Variants in ATOSA observed in about 807,000 individuals in gnomAD.
The protein encoded by ATOSA is atos homolog A.
the ATOSA span, chr15:52,658,403 C>A: frequency 5.0e-6 from 1 of 201,886 alleles, no homozygotes; most frequent in Non-Finnish European, 9.8e-6. Flanking sequence ...CTGTCAAGAG[C>A]TCTCCGTTTT....
At chr15:52,705,893 T>C in the ATOSA span, among the ~76,000 whole-genome samples, 2 of 152,232 alleles carry the variant, frequency 1.3e-5, no homozygotes, top group African/African-American at 2.4e-5. Flanking sequence ...ATTTATGATT[T>C]ATAAGATCAG....
At chr15:52,707,483 A>G in the ATOSA span, among the ~76,000 whole-genome samples, 21 of 152,340 alleles carry the variant, frequency 1.4e-4, 1 homozygote, top group South Asian at 3.1e-3. Flanking sequence ...ACATTCTTCA[A>G]AAATGTCATT....
At chr15:52,693,112 G>A in the ATOSA span, among the ~76,000 whole-genome samples, 3 of 152,074 alleles carry the variant, frequency 2.0e-5, no homozygotes, top group East Asian at 1.9e-4. Flanking sequence ...ACATACAAAC[G>A]GAAAGATTGA....
chr15:52,606,234 A>G, the ATOSA span, among the ~76,000 whole-genome samples: 1 of 152,136 alleles, frequency 6.6e-6, no homozygotes, highest in Non-Finnish European at 1.5e-5. Context: ...AATATAAGAA[A>G]CACTGTAAAT....
chr15:52,605,209 T>A, the ATOSA span: 2 of 1,611,256 alleles, frequency 1.2e-6, no homozygotes, highest in South Asian at 2.2e-5. Flanking sequence ...ATGAAAATTA[T>A]GTTTTCGCCA....
chr15:52,605,626 C>T, the ATOSA span, among the ~76,000 whole-genome samples: 2 of 152,092 alleles, frequency 1.3e-5, no homozygotes, highest in Non-Finnish European at 2.9e-5. Flanking sequence ...TATGTTTACA[C>T]ACAATATATA....
the ATOSA span, among the ~76,000 whole-genome samples, chr15:52,663,069 C>T: frequency 1.3e-5 from 2 of 152,190 alleles, no homozygotes; most frequent in Non-Finnish European, 2.9e-5. Context: ...ACTCTAATCT[C>T]TCCCTATTCC....
the ATOSA span, among the ~76,000 whole-genome samples, chr15:52,623,520 C>T: frequency 6.6e-6 from 1 of 152,012 alleles, no homozygotes; most frequent in Non-Finnish European, 1.5e-5. Context: ...CCCTGGGGGA[C>T]TCCAACAATT....
At chr15:52,609,072 C>T in the ATOSA span, 1 of 1,613,360 alleles carries the variant, frequency 6.2e-7, no homozygotes, top group Non-Finnish European at 8.5e-7. Context: ...TGTGCTGAGA[C>T]AAAATTGAGG....
the ATOSA span, among the ~76,000 whole-genome samples, chr15:52,596,844 T>C: frequency 5.3e-5 from 8 of 152,186 alleles, no homozygotes; most frequent in Admixed American, 4.6e-4. Context: ...AAACTTAAAA[T>C]CTTTTACTCT....
the ATOSA span, among the ~76,000 whole-genome samples, chr15:52,626,671 T>C: frequency 1.1e-4 from 16 of 152,106 alleles, no homozygotes; most frequent in African/African-American, 3.9e-4. Flanking sequence ...AGCAACATAA[T>C]GGTAAAGGGG....
the ATOSA span, among the ~76,000 whole-genome samples, chr15:52,695,667 G>A: frequency 6.6e-6 from 1 of 152,158 alleles, no homozygotes; most frequent in African/African-American, 2.4e-5. Flanking sequence ...ATGAATAAAT[G>A]GTATGAGATA....
At chr15:52,635,889 G>C in the ATOSA span, among the ~76,000 whole-genome samples, 5 of 151,616 alleles carry the variant, frequency 3.3e-5, no homozygotes, top group Non-Finnish European at 7.4e-5. Flanking sequence ...CCAGCTACTT[G>C]GGAGGCTGAG....
At chr15:52,606,937 G>A in the ATOSA span, among the ~76,000 whole-genome samples, 22 of 152,232 alleles carry the variant, frequency 1.4e-4, no homozygotes, top group East Asian at 4.0e-3. Context: ...AAAAGTAAAG[G>A]AAAGTGAAGC....
At chr15:52,653,677 C>T in the ATOSA span, among the ~76,000 whole-genome samples, 14 of 152,202 alleles carry the variant, frequency 9.2e-5, no homozygotes, top group Non-Finnish European at 1.3e-4. Context: ...ATCTGTACAA[C>T]TTCCTAATCC....
At chr15:52,586,414 C>G in the ATOSA span, 2 of 152,294 alleles carry the variant, frequency 1.3e-5, no homozygotes, top group African/African-American at 4.8e-5. Context: ...AAAGGTCATA[C>G]AAAGGCTTGT....
the ATOSA span, chr15:52,584,830 C>G: frequency 6.2e-7 from 1 of 1,613,466 alleles, no homozygotes; most frequent in African/African-American, 1.3e-5. Flanking sequence ...TCTTGTTTAA[C>G]AGGTACAGAA....
chr15:52,623,299 A>C, the ATOSA span, among the ~76,000 whole-genome samples: 1 of 152,158 alleles, frequency 6.6e-6, no homozygotes, highest in Admixed American at 6.5e-5. Flanking sequence ...TACATTTTAA[A>C]ATGTACATTT....
the ATOSA span, chr15:52,586,161 T>C: frequency 6.6e-6 from 1 of 152,346 alleles, no homozygotes; most frequent in Non-Finnish European, 1.5e-5. Flanking sequence ...AAGAGAACAC[T>C]GTCACTCCTT....
Sources: gnomAD v4.1 joint callset for allele counts (sites outside exome capture counted in the v4.1 genomes callset) on GRCh38, gnomAD v4.1.1 for gene constraint, MANE v1.5 for transcripts, NCBI Gene and HGNC (gene_info 2026-07-23, HGNC 2026-07-21) for gene names.